Variants in ARFGEF3 observed in about 807,000 individuals in gnomAD.
ARFGEF3 encodes the protein ARFGEF family member 3, also known as brefeldin A-inhibited guanine nucleotide-exchange protein 3.
Under a neutral mutation model 221.7 loss-of-function variants are expected in ARFGEF3, and 96 were observed. The observed-to-expected ratio is 0.43, with a 90% CI of 0.37 to 0.51. The LOEUF (loss-of-function observed/expected upper bound fraction) is 0.51. Among genes scored for constraint, ARFGEF3 ranks in the 20% least tolerant of loss-of-function variants. The pLI, the probability that ARFGEF3 is intolerant of heterozygous loss-of-function variation, is 0.00. For synonymous variants in ARFGEF3, 1,145 were observed against 1,126.8 expected (o/e 1.02, Z -0.32); for missense variants, 2,410 against 2,789.9 (o/e 0.86, Z 3.07).
chr6:138,201,407 G>T (rs996882191), intron 2 of ARFGEF3, among the ~76,000 whole-genome samples: 5 of 152,134 alleles, frequency 3.3e-5, no homozygotes, highest in African/African-American at 9.7e-5. Flanking sequence ...TTGCAAAATC[G>T]TGGAACCAAC....
intron 28 of ARFGEF3, 128 bp downstream of exon 28, chr6:138,320,007 T>C (rs1779994454): frequency 1.0e-5 from 8 of 766,964 alleles, no homozygotes; most frequent in East Asian, 8.3e-5. Flanking sequence ...ATTATTAAAA[T>C]AGAACAACAT....
At chr6:138,210,432 G>C (rs1777703552) in intron 4 of ARFGEF3, among the ~76,000 whole-genome samples, 1 of 152,002 alleles carries the variant, frequency 6.6e-6, no homozygotes, top group Admixed American at 6.6e-5. Context: ...AGAATGGTCA[G>C]TTTAGGGACA....
At chr6:138,293,063 G>A (rs777047761) in intron 19 of ARFGEF3, among the ~76,000 whole-genome samples, 17 of 152,150 alleles carry the variant, frequency 1.1e-4, no homozygotes, top group African/African-American at 3.6e-4. Flanking sequence ...TGTTTAATCC[G>A]CTAATTCCCA....
intron 5 of ARFGEF3, among the ~76,000 whole-genome samples, chr6:138,233,695 A>G (rs1317703936): frequency 1.3e-5 from 2 of 152,180 alleles, no homozygotes; most frequent in African/African-American, 2.4e-5. Flanking sequence ...TTTTACTCTG[A>G]TATGATAGCA....
At chr6:138,332,563 G>A (rs1208397374) in intron 32 of ARFGEF3, among the ~76,000 whole-genome samples, 1 of 152,154 alleles carries the variant, frequency 6.6e-6, no homozygotes, top group East Asian at 1.9e-4. Context: ...TCAGAAGAGT[G>A]TGTATTCAGG....
At chr6:138,187,026 C>T (rs2114460048) in intron 2 of ARFGEF3, among the ~76,000 whole-genome samples, 1 of 145,316 alleles carries the variant, frequency 6.9e-6, no homozygotes, top group African/African-American at 2.5e-5. Flanking sequence ...AGAGATTCTC[C>T]TGCCTCAGCC....
At chr6:138,252,169 T>G (rs1397733043) in intron 8 of ARFGEF3, among the ~76,000 whole-genome samples, 1 of 152,180 alleles carries the variant, frequency 6.6e-6, no homozygotes, top group Non-Finnish European at 1.5e-5. Context: ...GGCATTCCCT[T>G]CTACAGAATA....
intron 29 of ARFGEF3, among the ~76,000 whole-genome samples, chr6:138,323,230 G>C (rs1425539775): frequency 3.3e-5 from 5 of 152,202 alleles, no homozygotes; most frequent in Non-Finnish European, 5.9e-5. Context: ...GGATGGTTGA[G>C]AGACAAGGAG....
intron 8 of ARFGEF3, among the ~76,000 whole-genome samples, chr6:138,250,004 T>G (rs572417100): frequency 1.3e-5 from 2 of 152,236 alleles, no homozygotes; most frequent in East Asian, 3.8e-4. Flanking sequence ...AAGTTTTTAC[T>G]TGTGTACCAT....
At chr6:138,284,879 T>C (rs1779259072) in intron 14 of ARFGEF3, among the ~76,000 whole-genome samples, 2 of 152,214 alleles carry the variant, frequency 1.3e-5, no homozygotes, top group Admixed American at 1.3e-4. Context: ...GTATAGCCTA[T>C]TGCTCCAAGG....
At chr6:138,170,537 T>C (rs1776807641) in intron 1 of ARFGEF3, 125 bp from the exon 2 acceptor site, 2 of 608,506 alleles carry the variant, frequency 3.3e-6, no homozygotes, top group Non-Finnish European at 5.8e-6. Flanking sequence ...ATGCAGATAG[T>C]TGAGAATTGA....
intron 19 of ARFGEF3, 137 bp from the exon 20 acceptor site, chr6:138,293,856 A>G: frequency 1.7e-6 from 1 of 605,478 alleles, no homozygotes; most frequent in Non-Finnish European, 2.6e-6. Context: ...GAATAGATAG[A>G]ATAATACCAT....
At chr6:138,261,722 A>T (rs930839031) in intron 11 of ARFGEF3, 83 bp downstream of exon 11, 6 of 649,200 alleles carry the variant, frequency 9.2e-6, no homozygotes, top group African/African-American at 7.3e-5. Flanking sequence ...CTGAAATTTT[A>T]AAAAATTCTA....
chr6:138,315,815 A>T (rs1420490160), intron 26 of ARFGEF3, among the ~76,000 whole-genome samples: 1 of 151,306 alleles, frequency 6.6e-6, no homozygotes, highest in Non-Finnish European at 1.5e-5. Context: ...GCGCCACTGC[A>T]CTCTAGACTG....
intron 4 of ARFGEF3, among the ~76,000 whole-genome samples, chr6:138,220,788 G>T (rs1043205894): frequency 6.6e-6 from 1 of 152,006 alleles, no homozygotes; most frequent in African/African-American, 2.4e-5. Context: ...TAATCAACAC[G>T]TAACTGACCA....
chr6:138,238,737 G>GC lies in ARFGEF3; in HGVS notation c.543+106_543+107insC. The GC allele has an allele frequency of 5.8e-6, 6 of 1,038,536 alleles. No individual in the cohort carries two copies. The South Asian group carries it at 9.3e-5, about 16-fold the overall frequency. The allele number at this position is 1,038,536 out of a possible 1,614,324, so 64.3% of individuals were successfully genotyped here. On this transcript the variant is annotated intron_variant, in intron 6 of 33. Coordinates refer to ENST00000251691, the MANE Select transcript of ARFGEF3 (RefSeq NM_020340.5). ...GCTGCCTGCCTCCTGAAAACAGTAG[G>GC]AAGAGCTTGCTTGTTTTAACAGAAC...
rs568815252 is a variant in ARFGEF3 at position 138,240,892 on chromosome 6, C to T, written c.544-2060C>T. 1.2e-3 allele frequency among the ~76,000 whole-genome samples: 178 copies of T among 152,264 alleles called. 1 individual carries two copies. The highest frequency in any genetic ancestry group is 4.0e-3 in the African/African-American group (165 of 41,544). Reference sequence around the variant, plus strand: ...ACGTATTCCCCTGGGAAACACTGAGCATTACCTGGGGAAGATGCGTATATT... The same window carrying T: ...ACGTATTCCCCTGGGAAACACTGAGTATTACCTGGGGAAGATGCGTATATT... On this transcript the variant is annotated intron_variant, in intron 6 of 33. Transcript: ENST00000251691.
chr6:138,286,483 T>C (rs1229566972), intron 15 of ARFGEF3, among the ~76,000 whole-genome samples: 1 of 151,340 alleles, frequency 6.6e-6, no homozygotes, highest in Non-Finnish European at 1.5e-5. Context: ...GAAAAAGTAA[T>C]TGATGGAAGT....
chr6:138,335,401 A>G (rs1214815048), intron 33 of ARFGEF3, among the ~76,000 whole-genome samples: 1 of 152,102 alleles, frequency 6.6e-6, no homozygotes, highest in Non-Finnish European at 1.5e-5. Flanking sequence ...TTTTACTCTC[A>G]GGTAATTTCA....
Sources: gnomAD v4.1 joint callset for allele counts (sites outside exome capture counted in the v4.1 genomes callset) on GRCh38, gnomAD v4.1.1 for gene constraint, MANE v1.5 for transcripts, NCBI Gene and HGNC (gene_info 2026-07-23, HGNC 2026-07-21) for gene names.